Variants in PKNOX2 observed in about 807,000 individuals in gnomAD.
PKNOX2 encodes homeobox protein PKNOX2.
Under a neutral mutation model 53.1 loss-of-function variants are expected in PKNOX2, and 14 were observed. That is an observed-to-expected ratio of 0.26 (90% CI 0.17 to 0.41). The LOEUF (loss-of-function observed/expected upper bound fraction) is 0.41, where lower values mean the gene tolerates loss of function less well. Among genes scored for constraint, PKNOX2 ranks in the 10% least tolerant of loss-of-function variants. PKNOX2 has a pLI of 1.00. For missense variants in PKNOX2, 496 were observed against 602.8 expected, an observed-to-expected ratio of 0.82 and a Z score of 1.85; for synonymous variants, 257 against 242.8, an observed-to-expected ratio of 1.06 and a Z score of -0.54.
At chr11:125,412,494 A>G (rs1000803228) in intron 10 of PKNOX2, among the ~76,000 whole-genome samples, 1 of 152,220 alleles carries the variant, frequency 6.6e-6, no homozygotes, top group Non-Finnish European at 1.5e-5. Flanking sequence ...GAAGGTTGCT[A>G]TGTGTTTGTG....
chr11:125,270,617 T>G (rs186335955), intron 2 of PKNOX2, among the ~76,000 whole-genome samples: 63 of 152,280 alleles, frequency 4.1e-4, no homozygotes, highest in African/African-American at 1.4e-3. Context: ...GGACAGCTAA[T>G]ACACTCGAAA....
chr11:125,426,273 AT>A (rs1956411002), intron 10 of PKNOX2, among the ~76,000 whole-genome samples: 1 of 152,200 alleles, frequency 6.6e-6, no homozygotes, highest in South Asian at 2.1e-4. Flanking sequence ...TGGCTTTGCC[AT>A]TCTTCAAAGT....
intron 4 of PKNOX2, among the ~76,000 whole-genome samples, chr11:125,366,999 A>G (rs1017575722): frequency 3.0e-4 from 45 of 152,228 alleles, no homozygotes; most frequent in African/African-American, 1.1e-3. Context: ...CCATCGTGCT[A>G]TGGACAGGGT....
At chr11:125,269,829 C>T (rs961884947) in intron 2 of PKNOX2, among the ~76,000 whole-genome samples, 1 of 152,086 alleles carries the variant, frequency 6.6e-6, no homozygotes, top group African/African-American at 2.4e-5. Context: ...GGGCGGTTGT[C>T]CTTGGACTTT....
intron 2 of PKNOX2, among the ~76,000 whole-genome samples, chr11:125,281,399 T>C (rs898504369): frequency 6.6e-6 from 1 of 152,242 alleles, no homozygotes; most frequent in African/African-American, 2.4e-5. Flanking sequence ...TCTCTTAATT[T>C]ATCCCAGTGC....
At chr11:125,425,895 A>C (rs1251754882) in intron 10 of PKNOX2, among the ~76,000 whole-genome samples, 3 of 117,850 alleles carry the variant, frequency 2.5e-5, no homozygotes, top group African/African-American at 6.2e-5. Context: ...CCACAGCCCC[A>C]CAGCGTGCGT....
chr11:125,278,147 A>G (rs1335948664), intron 2 of PKNOX2, among the ~76,000 whole-genome samples: 1 of 147,990 alleles, frequency 6.8e-6, no homozygotes, highest in Non-Finnish European at 1.5e-5. Context: ...TGAGTCTAGG[A>G]GGTGGAGGCT....
rs1162651900 is a variant in PKNOX2 at position 125,431,297 on chromosome 11, G to C, written c.1324G>C (p.Glu442Gln). ...AGAAGAGGATGAGGATGAGATGGAA[G>C]AGGAGGAGGAGGAGGAGCTGGAGGA... is the stretch of plus-strand genomic sequence containing the variant. Reference protein sequence around the residue: ...TEEEDEDEMEEEEEEELEEEV... With the variant: ...TEEEDEDEMEQEEEEELEEEV... Residue 442 changes from glutamate (E) to glutamine (Q), a missense_variant, in exon 13 of 13, where the codon GAG becomes CAG. Glu to Gln is a conservative substitution (Grantham distance 29). Transcript: ENST00000298282. 2 of 1,290,572 alleles carry C rather than the reference G, an allele frequency of 1.5e-6. No individual in the cohort carries two copies. The highest frequency in any genetic ancestry group is 5.6e-5 in the East Asian group (2 of 35,598). 79.9% of individuals were successfully genotyped at this position (1,290,572 alleles called of 1,614,324 possible). A position where few individuals can be genotyped will look rare whatever the true frequency, so the allele number is the denominator to read the frequency against.
At chr11:125,360,145 T>G (rs1190124672) in intron 4 of PKNOX2, among the ~76,000 whole-genome samples, 1 of 125,284 alleles carries the variant, frequency 8.0e-6, no homozygotes, top group Non-Finnish European at 1.6e-5. Context: ...AAACTCCATC[T>G]CAAAAAAAAA....
At chr11:125,317,998 C>T (rs537497414) in intron 2 of PKNOX2, among the ~76,000 whole-genome samples, 1 of 152,358 alleles carries the variant, frequency 6.6e-6, no homozygotes, top group South Asian at 2.1e-4. Flanking sequence ...TAACTTGATG[C>T]AGCTTCTATA....
intron 2 of PKNOX2, among the ~76,000 whole-genome samples, chr11:125,302,439 C>T (rs1591519340): frequency 6.6e-6 from 1 of 152,302 alleles, no homozygotes; most frequent in East Asian, 1.9e-4. Flanking sequence ...TTCCCACCTT[C>T]GGGCTGCACA....
At chr11:125,314,039 T>G (rs186944374) in intron 2 of PKNOX2, among the ~76,000 whole-genome samples, 7 of 152,250 alleles carry the variant, frequency 4.6e-5, no homozygotes, top group Admixed American at 4.6e-4. Flanking sequence ...CTGAATGAAT[T>G]AGAGGAAATA....
chr11:125,336,770 A>ACACTATATTATAT (rs1282030912), intron 3 of PKNOX2, among the ~76,000 whole-genome samples: 1 of 147,194 alleles, frequency 6.8e-6, no homozygotes, highest in African/African-American at 2.5e-5. Flanking sequence ...ATAATACTAT[A>ACACTATATTATAT]CACTATATTA....
At chr11:125,379,295 A>G (rs951538101) in intron 5 of PKNOX2, among the ~76,000 whole-genome samples, 1 of 151,882 alleles carries the variant, frequency 6.6e-6, no homozygotes, top group Non-Finnish European at 1.5e-5. Context: ...ATCCTGACCT[A>G]AGGTAATCCA....
chr11:125,226,389 G>A (rs73617557), intron 1 of PKNOX2, among the ~76,000 whole-genome samples: 4,904 of 152,224 alleles, frequency 0.032, 259 homozygotes, highest in African/African-American at 0.11. Flanking sequence ...ACTATTCTGG[G>A]TAAAATTTCC....
rs1401138565 is a variant in PKNOX2 at position 125,417,271 on chromosome 11, A to G, written c.936+5406A>G. On this transcript the variant is annotated intron_variant, in intron 10 of 12. Coordinates refer to ENST00000298282, the MANE Select transcript of PKNOX2 (RefSeq NM_001382323.2). The stretch of plus-strand genomic sequence containing the variant: ...ACGTGATTCTGCTCCTTTCCATCCC[A>G]AATATGACATCTGTCTGTGCTGCTG... 2.0e-5 allele frequency among the ~76,000 whole-genome samples: 3 copies of G among 151,902 alleles called. No homozygotes were observed. The East Asian group carries it at 5.8e-4, about 29-fold the overall frequency.
At chr11:125,199,573 G>A (rs1938191141) in intron 1 of PKNOX2, among the ~76,000 whole-genome samples, 1 of 152,248 alleles carries the variant, frequency 6.6e-6, no homozygotes, top group South Asian at 2.1e-4. Context: ...GCCAGGTGCT[G>A]TGGCTCACAC....
intron 1 of PKNOX2, among the ~76,000 whole-genome samples, chr11:125,209,386 T>C (rs11219971): frequency 0.2 from 30,586 of 151,816 alleles, 4,124 homozygotes; most frequent in East Asian, 0.34. Flanking sequence ...AGGTTGAAGG[T>C]ACACACACAT....
chr11:125,206,565 A>G (rs1016698484), intron 1 of PKNOX2, among the ~76,000 whole-genome samples: 12 of 152,108 alleles, frequency 7.9e-5, no homozygotes, highest in African/African-American at 2.9e-4. Flanking sequence ...CTGAAGAGGC[A>G]GCATGAAATA....
Sources: gnomAD v4.1 joint callset for allele counts (sites outside exome capture counted in the v4.1 genomes callset) on GRCh38, gnomAD v4.1.1 for gene constraint, MANE v1.5 for transcripts, NCBI Gene and HGNC (gene_info 2026-07-23, HGNC 2026-07-21) for gene names.